The following PCDHA2 variants were observed in gnomAD, a reference collection of about 807,000 sequenced individuals.
PCDHA2 encodes protocadherin alpha 2, also known as protocadherin alpha-2.
Under a neutral mutation model 66.0 loss-of-function variants are expected in PCDHA2, and 58 were observed. The observed-to-expected ratio is 0.88, with a 90% CI of 0.71 to 1.09. The LOEUF (loss-of-function observed/expected upper bound fraction) is 1.09, where lower values mean the gene tolerates loss of function less well. Ranked by LOEUF, PCDHA2 falls within the 50% of genes least tolerant of loss-of-function variation. The pLI is 0.00. For missense variants in PCDHA2, 1,267 were observed against 1,242.3 expected (o/e 1.02, Z -0.30); for synonymous variants, 634 against 554.0 (o/e 1.14, Z -2.03).
chr5:140,975,840 A>G (rs1387222678), intron 1 of PCDHA2, among the ~76,000 whole-genome samples: 2 of 152,202 alleles, frequency 1.3e-5, no homozygotes, highest in African/African-American at 2.4e-5. Context: ...CTTATTCTTC[A>G]GTAATACTAC....
In PCDHA2 at chr5:141,011,633, G is replaced by A. The variant is rs988824031; in HGVS notation, c.*1696G>A. ...TTATGGTCCAGCCAAGAGCCATCTC[G>A]TGCCAAGACTTCTGCTGGCAAGGGA... is the stretch of plus-strand genomic sequence containing the variant. On this transcript the variant is annotated 3_prime_UTR_variant, in exon 4 of 4. Transcript: ENST00000526136. The A allele has an allele frequency of 6.5e-6, 1 of 153,624 alleles. No homozygotes were observed. Among genetic ancestry groups the A allele is most frequent in the Non-Finnish European group, 1.5e-5 (1 of 68,022 alleles). The allele number at this position is 153,624 out of a possible 1,614,324, so 9.5% of individuals were successfully genotyped here. A position where few individuals can be genotyped will look rare whatever the true frequency, so the allele number is the denominator to read the frequency against.
rs782169362 is a variant in PCDHA2 at position 140,979,015 on chromosome 5, T to A, written c.2447+8T>A. The A allele has an allele frequency of 6.2e-7, 1 of 1,613,920 alleles. No homozygotes were observed. Among genetic ancestry groups the A allele is most frequent in the Non-Finnish European group, 8.5e-7 (1 of 1,179,908 alleles). On this transcript the variant is annotated splice_region_variant and intron_variant, in intron 2 of 3. Coordinates refer to ENST00000526136, the MANE Select transcript of PCDHA2 (RefSeq NM_018905.3). ...GAGAGCAGGCATGCACAGGTATGTA[T>A]TTCCCTCCTCATTCACTCAGAAGTA...
chr5:140,877,193 G>T, intron 1 of PCDHA2: 1 of 1,613,832 alleles, frequency 6.2e-7, no homozygotes, highest in Non-Finnish European at 8.5e-7. Flanking sequence ...GGCAGCGCAG[G>T]AGGCGCAGTT....
Position 140,809,206 on chromosome 5 carries a change from A to C in PCDHA2, c.2388+11854A>C, listed in dbSNP as rs112533262. The C allele has an allele frequency of 4.9e-4, 783 of 1,614,042 alleles. 5 individuals are homozygous for C. In the African/African-American group the frequency reaches 9.3e-3, roughly 19 times the overall value. On this transcript the variant is annotated intron_variant, in intron 1 of 3. Coordinates refer to ENST00000526136, the MANE Select transcript of PCDHA2 (RefSeq NM_018905.3). ...TGCTGGTGTCACTTGTGGAGAGTGG[A>C]CAGGCGCCAAAGGCCTCCTCACGGG...
intron 1 of PCDHA2, among the ~76,000 whole-genome samples, chr5:140,949,698 T>G (rs188313112): frequency 6.6e-6 from 1 of 151,984 alleles, no homozygotes; most frequent in African/African-American, 2.4e-5. Flanking sequence ...TTGTTGGATC[T>G]TGCTGTTTTA....
Position 140,857,291 on chromosome 5 carries a change from G to A in PCDHA2, c.2388+59939G>A. 7 of 1,598,730 alleles carry A rather than the reference G, an allele frequency of 4.4e-6. 1 individual carries two copies. Among genetic ancestry groups the A allele is most frequent in the East Asian group, 4.5e-5 (2 of 44,850 alleles). On this transcript the variant is annotated intron_variant, in intron 1 of 3. Transcript: ENST00000526136. ...GGTGCTGGACAGCGCTCTGGACCGC[G>A]AGAGGGTGTCGGCCTATGAGCTGGT...
chr5:140,952,712 C>A (rs567610262), intron 1 of PCDHA2, among the ~76,000 whole-genome samples: 3 of 152,298 alleles, frequency 2.0e-5, no homozygotes, highest in Middle Eastern at 3.4e-3. Context: ...CTCTCAGTAT[C>A]AATTTTCTGT....
At chr5:140,815,346 G>A (rs2126663350) in intron 1 of PCDHA2, 1 of 151,614 alleles carries the variant, frequency 6.6e-6, no homozygotes, top group Non-Finnish European at 1.5e-5. Flanking sequence ...GTTTTCTTTT[G>A]TATATCTTCC....
At chr5:140,971,968 A>G (rs1049886222) in intron 1 of PCDHA2, among the ~76,000 whole-genome samples, 3 of 152,124 alleles carry the variant, frequency 2.0e-5, no homozygotes, top group Non-Finnish European at 4.4e-5. Flanking sequence ...CTTTTTTTCA[A>G]TACTATGAGT....
intron 1 of PCDHA2, among the ~76,000 whole-genome samples, chr5:140,942,118 A>C (rs554488765): frequency 1.3e-5 from 2 of 152,360 alleles, no homozygotes; most frequent in East Asian, 3.9e-4. Flanking sequence ...AAACTTTATT[A>C]AAGGTGATAT....
chr5:140,945,022 A>G (rs926595272), intron 1 of PCDHA2, among the ~76,000 whole-genome samples: 2 of 152,140 alleles, frequency 1.3e-5, no homozygotes, highest in Non-Finnish European at 2.9e-5. Flanking sequence ...TTTTTTACTC[A>G]GACATAATTA....
chr5:141,001,946 G>A (rs1554258360), intron 3 of PCDHA2, among the ~76,000 whole-genome samples: 4 of 147,266 alleles, frequency 2.7e-5, no homozygotes, highest in African/African-American at 1.1e-4. Flanking sequence ...CGGAAATAAG[G>A]AGGAGGGAGA....
chr5:140,856,457 CA>C, intron 1 of PCDHA2: 1 of 1,598,330 alleles, frequency 6.3e-7, no homozygotes, highest in East Asian at 2.2e-5. Context: ...CGTAACAGAA[CA>C]AAAGCTCTCA....
rs17844337 is a variant in PCDHA2 at position 140,851,004 on chromosome 5, A to AT, written c.2388+53660dup. The AT allele has an allele frequency of 8.9e-5, 128 of 1,434,992 alleles. 10 individuals are homozygous for AT. Among genetic ancestry groups the AT allele is most frequent in the East Asian group, 7.3e-4 (30 of 41,268 alleles). 88.9% of individuals were successfully genotyped at this position (1,434,992 alleles called of 1,614,324 possible). ...ATTCATTTTTCTAGAAATCCAGCAG[A>AT]TTTTTTTTCTGATAAAGTAAACCCC... On this transcript the variant is annotated intron_variant, in intron 1 of 3. Coordinates refer to ENST00000526136, the MANE Select transcript of PCDHA2 (RefSeq NM_018905.3).
chr5:140,906,180 C>T (rs1457176453), intron 1 of PCDHA2, among the ~76,000 whole-genome samples: 1 of 152,132 alleles, frequency 6.6e-6, no homozygotes, highest in Non-Finnish European at 1.5e-5. Flanking sequence ...ACTTTGCATC[C>T]TTCAATCCAA....
At chr5:140,875,367 T>A (rs937879067) in intron 1 of PCDHA2, 1 of 1,449,166 alleles carries the variant, frequency 6.9e-7, no homozygotes, top group Non-Finnish European at 9.1e-7. Context: ...CTGGAAAAAA[T>A]TTACTAAATA....
intron 1 of PCDHA2, among the ~76,000 whole-genome samples, chr5:140,935,536 G>C (rs2090424655): frequency 6.6e-6 from 1 of 152,104 alleles, no homozygotes; most frequent in Non-Finnish European, 1.5e-5. Context: ...TCAAATTATT[G>C]TGTTTTAAAG....
At chr5:140,962,546 G>A (rs2095690873) in intron 1 of PCDHA2, among the ~76,000 whole-genome samples, 7 of 152,094 alleles carry the variant, frequency 4.6e-5, no homozygotes, top group Admixed American at 4.6e-4. Flanking sequence ...TAAAAATGTA[G>A]AGGATCTCCC....
intron 1 of PCDHA2, chr5:140,829,830 T>C (rs1562311801): frequency 1.2e-6 from 2 of 1,613,890 alleles, no homozygotes; most frequent in Non-Finnish European, 8.5e-7. Context: ...GTGAGCGAGC[T>C]GGTGCCGCGG....
Sources: gnomAD v4.1 joint callset for allele counts (sites outside exome capture counted in the v4.1 genomes callset) on GRCh38, gnomAD v4.1.1 for gene constraint, MANE v1.5 for transcripts, NCBI Gene and HGNC (gene_info 2026-07-23, HGNC 2026-07-21) for gene names.